Variants in MRPS9 observed in about 807,000 individuals in gnomAD.
The protein encoded by MRPS9 is small ribosomal subunit protein uS9m.
MRPS9 carries 45 observed loss-of-function variants against 59.9 expected under a neutral mutation model. The observed-to-expected ratio is 0.75, with a 90% CI of 0.59 to 0.96. The LOEUF is 0.96. Ranked by LOEUF, MRPS9 falls within the 40% of genes least tolerant of loss-of-function variation. The pLI is 0.00. For synonymous variants in MRPS9, 171 were observed against 166.8 expected (o/e 1.03, Z -0.19); for missense variants, 473 against 481.1 (o/e 0.98, Z 0.16).
chr2:105,049,583 A>G (rs1679672365), intron 2 of MRPS9, among the ~76,000 whole-genome samples: 1 of 152,208 alleles, frequency 6.6e-6, no homozygotes, highest in Non-Finnish European at 1.5e-5. Context: ...ATGCTCATAC[A>G]CTATTGGGAA....
intron 7 of MRPS9, among the ~76,000 whole-genome samples, chr2:105,091,595 A>C (rs1160508444): frequency 1.3e-5 from 2 of 152,224 alleles, no homozygotes; most frequent in Non-Finnish European, 2.9e-5. Flanking sequence ...AGTAGTGACA[A>C]AGATGAGTGT....
intron 5 of MRPS9, among the ~76,000 whole-genome samples, chr2:105,080,575 A>G (rs943361543): frequency 1.4e-4 from 22 of 152,172 alleles, no homozygotes; most frequent in Admixed American, 3.3e-4. Context: ...TGCATTTAGT[A>G]TGCTGTGAAC....
Position 105,092,457 on chromosome 2 carries a change from T to G in MRPS9, c.708T>G (p.Ala236=), listed in dbSNP as rs758794450. The change falls in exon 8 of 11, where the codon GCT becomes GCG. Residue 236 remains alanine (A), a synonymous_variant. Coordinates refer to ENST00000258455, the MANE Select transcript of MRPS9 (RefSeq NM_182640.3). ...TATTGACATCGCAGTGTGGTGCTGCTGAGGAAGAATTTGTGCAGAGGTTTC... is the reference window on the plus strand; with the variant it reads ...TATTGACATCGCAGTGTGGTGCTGCGGAGGAAGAATTTGTGCAGAGGTTTC... ...EKLLTSQCGA[A]EEEFVQRFRR... is the part of the protein sequence containing the mutation. 6.2e-7 allele frequency: 1 copy of G among 1,613,940 alleles called. No individual in the cohort carries two copies. The highest frequency in any genetic ancestry group is 8.5e-7 in the Non-Finnish European group (1 of 1,179,924).
At chr2:105,066,454 C>G (rs1026350655) in intron 2 of MRPS9, among the ~76,000 whole-genome samples, 1 of 152,174 alleles carries the variant, frequency 6.6e-6, no homozygotes, top group African/African-American at 2.4e-5. Flanking sequence ...CCTTTGCAAT[C>G]AATGCTTTCT....
At chr2:105,053,784 G>A (rs142685232) in intron 2 of MRPS9, among the ~76,000 whole-genome samples, 31 of 152,294 alleles carry the variant, frequency 2.0e-4, no homozygotes, top group Middle Eastern at 3.4e-3. Flanking sequence ...AAAACTCTGT[G>A]TGTGTATATA....
intron 2 of MRPS9, among the ~76,000 whole-genome samples, chr2:105,057,721 T>C (rs971813255): frequency 3.3e-5 from 5 of 152,212 alleles, no homozygotes; most frequent in African/African-American, 9.7e-5. Context: ...CATCAAAAAT[T>C]CTTTTACTCA....
At chr2:105,048,363 G>T (rs1278354961) in intron 1 of MRPS9, among the ~76,000 whole-genome samples, 2 of 151,510 alleles carry the variant, frequency 1.3e-5, no homozygotes, top group Admixed American at 1.3e-4. Flanking sequence ...GGGATGGGGG[G>T]AGGGGAGAGG....
At chr2:105,080,918 A>G (rs375636269) in intron 5 of MRPS9, among the ~76,000 whole-genome samples, 2 of 145,556 alleles carry the variant, frequency 1.4e-5, no homozygotes, top group Admixed American at 7.0e-5. Flanking sequence ...GGGGAAAAAA[A>G]AAAACAACCT....
At chr2:105,059,129 A>G (rs1679850126) in intron 2 of MRPS9, among the ~76,000 whole-genome samples, 1 of 151,334 alleles carries the variant, frequency 6.6e-6, no homozygotes, top group African/African-American at 2.4e-5. Flanking sequence ...ATGTGTAACA[A>G]TTTCTTAAAG....
At chr2:105,071,560 G>A (rs1027984323) in intron 4 of MRPS9, 71 bp downstream of exon 4, 30 of 1,468,432 alleles carry the variant, frequency 2.0e-5, no homozygotes, top group East Asian at 4.6e-5. Flanking sequence ...ATGTATCAGC[G>A]GTTGCTCACA....
At chr2:105,058,519 T>C (rs1573423820) in intron 2 of MRPS9, among the ~76,000 whole-genome samples, 1 of 152,328 alleles carries the variant, frequency 6.6e-6, no homozygotes, top group East Asian at 1.9e-4. Flanking sequence ...AACCTAAAAA[T>C]GGAAGAAACA....
At chr2:105,066,375 T>G (rs1238860949) in intron 2 of MRPS9, among the ~76,000 whole-genome samples, 2 of 152,218 alleles carry the variant, frequency 1.3e-5, no homozygotes, top group East Asian at 3.8e-4. Flanking sequence ...TTCAGAAGAC[T>G]TCTAGCGAAT....
intron 2 of MRPS9, among the ~76,000 whole-genome samples, chr2:105,069,226 T>G (rs1680061551): frequency 6.6e-6 from 1 of 151,308 alleles, no homozygotes; most frequent in Admixed American, 6.6e-5. Context: ...TTTTTTTTTT[T>G]TTTTTTGAGA....
intron 5 of MRPS9, among the ~76,000 whole-genome samples, chr2:105,086,388 A>AT (rs1680445802): frequency 1.3e-5 from 2 of 152,266 alleles, no homozygotes; most frequent in South Asian, 4.1e-4. Context: ...TTTATAAATT[A>AT]TTATAGATCT....
At chr2:105,098,851 C>T (rs924010120) in intron 10 of MRPS9, among the ~76,000 whole-genome samples, 1 of 152,106 alleles carries the variant, frequency 6.6e-6, no homozygotes, top group South Asian at 2.1e-4. Context: ...TTTATAAAAG[C>T]AATGTAAGAG....
At position 105,080,076 on chromosome 2, in the gene MRPS9, AT is replaced by A; in HGVS notation, c.489+17del. 1 of 1,541,592 alleles carries A rather than the reference AT, an allele frequency of 6.5e-7. No individual in the cohort carries two copies. The highest frequency in any genetic ancestry group is 8.9e-7 in the Non-Finnish European group (1 of 1,123,632). On this transcript the variant is annotated intron_variant, in intron 5 of 10. Coordinates refer to ENST00000258455, the MANE Select transcript of MRPS9 (RefSeq NM_182640.3). ...TCATTAATGCATGTAAGTATATTGC[AT>A]TTATGATAAATAATATGAGCTGTAA...
At chr2:105,064,762 A>G (rs1310415024) in intron 2 of MRPS9, among the ~76,000 whole-genome samples, 1 of 152,252 alleles carries the variant, frequency 6.6e-6, no homozygotes, top group African/African-American at 2.4e-5. Context: ...CAATCTTGAA[A>G]GATCTTGAAA....
intron 2 of MRPS9, among the ~76,000 whole-genome samples, chr2:105,049,772 A>C (rs1277649410): frequency 6.6e-6 from 1 of 152,224 alleles, no homozygotes; most frequent in Non-Finnish European, 1.5e-5. Flanking sequence ...AGTGATTTGA[A>C]AATTAGGATC....
At chr2:105,068,854 G>A (rs1472451591) in intron 2 of MRPS9, among the ~76,000 whole-genome samples, 1 of 152,182 alleles carries the variant, frequency 6.6e-6, no homozygotes, top group Non-Finnish European at 1.5e-5. Context: ...TCTTATGCAT[G>A]GGGATTTGGT....
Sources: gnomAD v4.1 joint callset for allele counts (sites outside exome capture counted in the v4.1 genomes callset) on GRCh38, gnomAD v4.1.1 for gene constraint, MANE v1.5 for transcripts, NCBI Gene and HGNC (gene_info 2026-07-23, HGNC 2026-07-21) for gene names.